The following DCAF12L1 variants were observed in gnomAD, a reference collection of about 807,000 sequenced individuals.
DCAF12L1 encodes the protein DDB1- and CUL4-associated factor 12-like protein 1.
For missense variants in DCAF12L1, 251 were observed against 409.2 expected, an observed-to-expected ratio of 0.61 and a Z score of 3.34; for synonymous variants, 218 against 196.4, an observed-to-expected ratio of 1.11 and a Z score of -0.92.
At position 126,552,535 on chromosome X, in the gene DCAF12L1, G is replaced by A; in HGVS notation, c.74C>T (p.Ser25Leu). The A allele has an allele frequency of 8.3e-7, 1 of 1,208,965 alleles. No individual in the cohort carries two copies. Among genetic ancestry groups the A allele is most frequent in the Non-Finnish European group, 1.1e-6 (1 of 895,279 alleles). Reference sequence around the variant, plus strand: ...ACCGTCCGCTGCCGCCAAGCCCTGCGACGGCGAGCTCTCGGCGTCCGCCTC... The same window carrying A: ...ACCGTCCGCTGCCGCCAAGCCCTGCAACGGCGAGCTCTCGGCGTCCGCCTC... The part of the protein sequence containing the change: ...AVEADAESSP[S>L]QGLAAADGEG... Residue 25 changes from serine to leucine, a missense_variant, in exon 1 of 2, where the codon TCG becomes TTG. Physicochemically the swap from Ser to Leu is moderately radical, Grantham distance 145. Coordinates refer to ENST00000371126, the MANE Select transcript of DCAF12L1 (RefSeq NM_178470.5).
rs1927490170 is a variant in DCAF12L1, at chrX:126,552,718, C to T, written c.-110G>A. The T allele has an allele frequency of 2.7e-6, 3 of 1,096,023 alleles. No individual in the cohort carries two copies. The highest frequency in any genetic ancestry group is 2.4e-6 in the Non-Finnish European group (2 of 837,564). 90.3% of individuals were successfully genotyped at this position (1,096,023 alleles called of 1,213,427 possible). On this transcript the variant is annotated 5_prime_UTR_variant, in exon 1 of 2. Transcript: ENST00000371126. ...GATGGCTGCGCTGGAACCGAGCCTT[C>T]GGATTCTGAGGCGCGGCAGTGGCGG...
In DCAF12L1 at chrX:126,552,163, C is replaced by A. The variant is rs1458790395; in HGVS notation, c.446G>T (p.Gly149Val). ...CAGCTCGATGGCATGGATGCCGCAG[C>A]CCTGTTGGTCCTGGGCCAGCCTGGC... ...SEARLAQDQQ[G>V]CGIHAIELNP... The change falls in exon 1 of 2, where the codon GGC (glycine) becomes GTC (valine). Residue 149 changes from glycine (G) to valine (V), a missense_variant. By Grantham distance (109) the Gly-to-Val change is moderately radical. Coordinates refer to ENST00000371126, the MANE Select transcript of DCAF12L1 (RefSeq NM_178470.5). The A allele has an allele frequency of 8.2e-7, 1 of 1,212,601 alleles. No individual in the cohort carries two copies. Among genetic ancestry groups the A allele is most frequent in the Non-Finnish European group, 1.1e-6 (1 of 895,662 alleles).
In DCAF12L1 at chrX:126,552,395, C is replaced by G. The variant is rs755444137; in HGVS notation, c.214G>C (p.Asp72His). The change falls in exon 1 of 2, where the codon GAT becomes CAT. Residue 72 changes from aspartate to histidine, a missense_variant. By Grantham distance (81) the Asp-to-His change is moderately conservative. Coordinates refer to ENST00000371126, the MANE Select transcript of DCAF12L1 (RefSeq NM_178470.5). ...GWGPARLQGF[D>H]GELRGYAVQR... The stretch of plus-strand genomic sequence containing the variant: ...ACCGCGTAGCCCCGCAGCTCGCCAT[C>G]GAAGCCCTGGAGCCTGGCGGGGCCC... 7.4e-6 allele frequency: 9 copies of G among 1,211,357 alleles called. No individual in the cohort carries two copies. Among genetic ancestry groups the G allele is most frequent in the Non-Finnish European group, 1.0e-5 (9 of 895,433 alleles).
rs754866007 is a variant in DCAF12L1 at position 126,551,868 on chromosome X, C to T, written c.741G>A (p.Pro247=). ...VGLPVYAHIR[P]RDVEAIPRAI... ...CCCTGGGGATGGCCTCCACATCCCT[C>T]GGACGGATGTGGGCATATACGGGGA... The change falls in exon 1 of 2, where the codon CCG becomes CCA. Residue 247 remains proline, a synonymous_variant. Coordinates refer to ENST00000371126, the MANE Select transcript of DCAF12L1 (RefSeq NM_178470.5). 3.0e-5 allele frequency: 36 copies of T among 1,211,269 alleles called. No individual in the cohort carries two copies. The South Asian group carries it at 6.1e-4, about 21-fold the overall frequency.
In DCAF12L1 at chrX:126,552,253, G is replaced by A; in HGVS notation, c.356C>T (p.Thr119Met). ...RQVVCGTKCNTLFVVDVESGH... is the reference protein window; with the variant it reads ...RQVVCGTKCNMLFVVDVESGH... ...TGACTCCACGTCCACCACGAAAAGC[G>A]TGTTACACTTGGTGCCGCACACCAC... The change falls in exon 1 of 2, where the codon ACG becomes ATG. Residue 119 changes from threonine (T) to methionine (M), a missense_variant. By Grantham distance (81) the Thr-to-Met change is moderately conservative. Transcript: ENST00000371126. 8.2e-7 allele frequency: 1 copy of A among 1,212,505 alleles called. No homozygotes were observed. The highest frequency in any genetic ancestry group is 1.1e-6 in the Non-Finnish European group (1 of 895,662).
rs1004787363 is a variant in DCAF12L1 at position 126,551,175 on chromosome X, T to C, written c.*22+20A>G. The stretch of plus-strand genomic sequence containing the variant: ...AGCATGAAGGGCAGTCGGGCGGAAC[T>C]GAAAGGTAAATCTGTGTACCTGGAG... On this transcript the variant is annotated intron_variant, in intron 1 of 1. Coordinates refer to ENST00000371126, the MANE Select transcript of DCAF12L1 (RefSeq NM_178470.5). 1 of 1,158,832 alleles carries C rather than the reference T, an allele frequency of 8.6e-7. No homozygotes were observed. The highest frequency in any genetic ancestry group is 1.8e-5 in the African/African-American group (1 of 54,870).
In DCAF12L1 at chrX:126,552,674, C is replaced by A; in HGVS notation, c.-66G>T. The A allele has an allele frequency of 8.6e-7, 1 of 1,159,932 alleles. No homozygotes were observed. The highest frequency in any genetic ancestry group is 2.0e-5 in the South Asian group (1 of 50,435). On this transcript the variant is annotated 5_prime_UTR_variant, in exon 1 of 2. Transcript: ENST00000371126. ...CGGTTGCAGCGCGTGGCTCCGGAGTCGGTCGTGGCGGCGGCGTGGATGGCT... is the reference window on the plus strand; with the variant it reads ...CGGTTGCAGCGCGTGGCTCCGGAGTAGGTCGTGGCGGCGGCGTGGATGGCT...
At position 126,552,466 on chromosome X, in the gene DCAF12L1, T is replaced by C; in HGVS notation, c.143A>G (p.Tyr48Cys). ...CTTCAGATAGTGCGCCATCGAGCGA[T>C]ACGTCGCCGGCCGCCTCTGCCTCTT... ...LLKRQRRPAT[Y>C]RSMAHYLKVR... The change falls in exon 1 of 2, where the codon TAT becomes TGT. Residue 48 changes from tyrosine (Y) to cysteine (C), a missense_variant. Transcript: ENST00000371126. 1 of 1,210,510 alleles carries C rather than the reference T, an allele frequency of 8.3e-7. No homozygotes were observed. The highest frequency in any genetic ancestry group is 1.1e-6 in the Non-Finnish European group (1 of 895,353).
In DCAF12L1 at chrX:126,551,146, A is replaced by T. The variant is rs946902599; in HGVS notation, c.*23-39T>A. 46 of 1,130,543 alleles carry T rather than the reference A, an allele frequency of 4.1e-5. No homozygotes were observed. The South Asian group carries it at 9.8e-4, about 24-fold the overall frequency. The allele number at this position is 1,130,543 out of a possible 1,213,427, so 93.2% of individuals were successfully genotyped here. ...GACGCACAGAGTTAAAAGCAAAAAA[A>T]TGCAGCATGAAGGGCAGTCGGGCGG... On this transcript the variant is annotated intron_variant, in intron 1 of 1. Coordinates refer to ENST00000371126, the MANE Select transcript of DCAF12L1 (RefSeq NM_178470.5).
At position 126,550,899 on chromosome X, in the gene DCAF12L1, C is replaced by T. The variant is rs1042641150; in HGVS notation, c.*231G>A. ...AATATACATAACTGAAAGACCATGA[C>T]TGCATCTTCTTAAAGAAACAGAATG... On this transcript the variant is annotated 3_prime_UTR_variant, in exon 2 of 2. Coordinates refer to ENST00000371126, the MANE Select transcript of DCAF12L1 (RefSeq NM_178470.5). The T allele has an allele frequency of 4.3e-6, 1 of 231,651 alleles. No individual in the cohort carries two copies. The highest frequency in any genetic ancestry group is 7.7e-6 in the Non-Finnish European group (1 of 129,054). The allele number at this position is 231,651 out of a possible 1,213,427, so 19.1% of individuals were successfully genotyped here. A position where few individuals can be genotyped will look rare whatever the true frequency, so the allele number is the denominator to read the frequency against.
chrX:126,552,810 C>T lies in DCAF12L1; in HGVS notation c.-202G>A. On this transcript the variant is annotated 5_prime_UTR_variant, in exon 1 of 2. Coordinates refer to ENST00000371126, the MANE Select transcript of DCAF12L1 (RefSeq NM_178470.5). ...CAGACCTAGGCGAAGGCGGGAAGTG[C>T]GTCTGGCCGGGCAGTGAGAGCAAAG... The T allele has an allele frequency of 1.6e-6, 1 of 641,805 alleles. No homozygotes were observed. Among genetic ancestry groups the T allele is most frequent in the Non-Finnish European group, 2.2e-6 (1 of 450,024 alleles). The allele number at this position is 641,805 out of a possible 1,213,427, so 52.9% of individuals were successfully genotyped here.
chrX:126,552,458 T>C lies in DCAF12L1; in HGVS notation c.151A>G (p.Met51Val), dbSNP rs1279014744. 1.6e-5 allele frequency: 19 copies of C among 1,209,166 alleles called. No individual in the cohort carries two copies. The highest frequency in any genetic ancestry group is 2.0e-5 in the Non-Finnish European group (18 of 895,081). ...RQRRPATYRS[M>V]AHYLKVREVG... ...TCCCGAACCTTCAGATAGTGCGCCA[T>C]CGAGCGATACGTCGCCGGCCGCCTC... The change falls in exon 1 of 2, where the codon ATG (methionine) becomes GTG (valine). Residue 51 changes from methionine (M) to valine (V), a missense_variant. Physicochemically the swap from Met to Val is conservative, Grantham distance 21. Transcript: ENST00000371126.
chrX:126,552,192 A>C lies in DCAF12L1; in HGVS notation c.417T>G (p.Ser139Arg). ...HIARIPLLRD[S>R]EARLAQDQQG... The stretch of plus-strand genomic sequence containing the variant: ...GTTGGTCCTGGGCCAGCCTGGCCTC[A>C]CTGTCCCGCAAGAGGGGAATGCGCG... Residue 139 changes from serine to arginine, a missense_variant, in exon 1 of 2, where the codon AGT becomes AGG. Coordinates refer to ENST00000371126, the MANE Select transcript of DCAF12L1 (RefSeq NM_178470.5). 8.2e-7 allele frequency: 1 copy of C among 1,212,452 alleles called. No homozygotes were observed. The highest frequency in any genetic ancestry group is 1.1e-6 in the Non-Finnish European group (1 of 895,623).
chrX:126,552,714 C>T lies in DCAF12L1; in HGVS notation c.-106G>A. The T allele has an allele frequency of 9.1e-7, 1 of 1,100,012 alleles. No homozygotes were observed. Among genetic ancestry groups the T allele is most frequent in the South Asian group, 2.2e-5 (1 of 45,103 alleles). The allele number at this position is 1,100,012 out of a possible 1,213,427, so 90.7% of individuals were successfully genotyped here. A position where few individuals can be genotyped will look rare whatever the true frequency, so the allele number is the denominator to read the frequency against. ...CGTGGATGGCTGCGCTGGAACCGAG[C>T]CTTCGGATTCTGAGGCGCGGCAGTG... On this transcript the variant is annotated 5_prime_UTR_variant, in exon 1 of 2. Coordinates refer to ENST00000371126, the MANE Select transcript of DCAF12L1 (RefSeq NM_178470.5).
At position 126,551,066 on chromosome X, in the gene DCAF12L1, T is replaced by G. The variant is rs1421693723; in HGVS notation, c.*64A>C. The G allele has an allele frequency of 1.7e-5, 11 of 643,894 alleles. No homozygotes were observed. The highest frequency in any genetic ancestry group is 2.2e-5 in the Non-Finnish European group (10 of 450,013). The allele number at this position is 643,894 out of a possible 1,213,427, so 53.1% of individuals were successfully genotyped here. A position where few individuals can be genotyped will look rare whatever the true frequency, so the allele number is the denominator to read the frequency against. On this transcript the variant is annotated 3_prime_UTR_variant, in exon 2 of 2. Coordinates refer to ENST00000371126, the MANE Select transcript of DCAF12L1 (RefSeq NM_178470.5). ...TCATTGACCAAAGGACCACTCACTC[T>G]CTCTGCTTGGAGGAGTACAAATTAA...
Position 126,552,811 on chromosome X carries a change from G to T in DCAF12L1, c.-203C>A. On this transcript the variant is annotated 5_prime_UTR_variant, in exon 1 of 2. Transcript: ENST00000371126. ...AGACCTAGGCGAAGGCGGGAAGTGC[G>T]TCTGGCCGGGCAGTGAGAGCAAAGT... is the stretch of plus-strand genomic sequence containing the variant. 9.5e-6 allele frequency: 6 copies of T among 630,348 alleles called. No homozygotes were observed. The highest frequency in any genetic ancestry group is 1.4e-5 in the Non-Finnish European group (6 of 438,813). 51.9% of individuals were successfully genotyped at this position (630,348 alleles called of 1,213,427 possible).
In DCAF12L1 at chrX:126,552,678, C is replaced by CGTG; in HGVS notation, c.-73_-71dup. ...TGCAGCGCGTGGCTCCGGAGTCGGTCGTGGCGGCGGCGTGGATGGCTGCGC... is the reference window on the plus strand; with the variant it reads ...TGCAGCGCGTGGCTCCGGAGTCGGTCGTGGTGGCGGCGGCGTGGATGGCTGCGC... On this transcript the variant is annotated 5_prime_UTR_variant, in exon 1 of 2. Transcript: ENST00000371126. The CGTG allele has an allele frequency of 1.3e-5, 15 of 1,158,242 alleles. 1 individual carries two copies. The highest frequency in any genetic ancestry group is 1.5e-5 in the Non-Finnish European group (13 of 874,873).
rs746600096 is a variant in DCAF12L1 at position 126,551,900 on chromosome X, C to G, written c.709G>C (p.Val237Leu). The change falls in exon 1 of 2, where the codon GTG becomes CTG. Residue 237 changes from valine (V) to leucine (L), a missense_variant. Physicochemically the swap from Val to Leu is conservative, Grantham distance 32. Transcript: ENST00000371126. ...ATGTGGGCATATACGGGGAGACCCA[C>G]CTCGCTATGCCAGGCAACAGTGTCA... ...FDDTVAWHSE[V>L]GLPVYAHIRP... The G allele has an allele frequency of 7.4e-6, 9 of 1,211,360 alleles. No homozygotes were observed. The East Asian group carries it at 2.7e-4, about 36-fold the overall frequency.
rs1271910170 is a variant in DCAF12L1 at position 126,550,022 on chromosome X, A to G, written c.*1108T>C. On this transcript the variant is annotated 3_prime_UTR_variant, in exon 2 of 2. Transcript: ENST00000371126. ...CTTGATATTGCATACTATTACATTG[A>G]GAGTTATAACACCACTACTTTTTAA... The G allele has an allele frequency of 4.4e-5, 5 of 112,465 alleles. No individual in the cohort carries two copies. Among genetic ancestry groups the G allele is most frequent in the Non-Finnish European group, 9.4e-5 (5 of 53,324 alleles). 9.3% of individuals were successfully genotyped at this position (112,465 alleles called of 1,213,427 possible).
Sources: allele counts gnomAD v4.1 joint callset, GRCh38; gene constraint gnomAD v4.1.1; transcripts MANE v1.5; gene names NCBI Gene and HGNC (gene_info 2026-07-23, HGNC 2026-07-21).